ZNF81: variants seen among roughly 807,000 people sequenced by gnomAD.
ZNF81 encodes the protein zinc finger protein 81 (HFZ20).
In ZNF81, 5 loss-of-function variants were observed where a neutral mutation model predicts 32.3. The ratio of observed to expected loss-of-function variants is 0.15; its 90% CI spans 0.08 to 0.33. The LOEUF (loss-of-function observed/expected upper bound fraction) is 0.33. Among genes scored for constraint, ZNF81 ranks in the 10% least tolerant of loss-of-function variants. The probability of loss-of-function intolerance (pLI) is 1.00; values close to 1 mark genes in which losing one functional copy is unlikely to be tolerated. For missense variants in ZNF81, 379 were observed against 479.8 expected, an observed-to-expected ratio of 0.79 and a Z score of 1.96; for synonymous variants, 163 against 166.8, an observed-to-expected ratio of 0.98 and a Z score of 0.17.
At chrX:47,863,807 CAT>C (rs1294177474) in intron 2 of ZNF81, among the ~76,000 whole-genome samples, 2 of 111,943 alleles carry the variant, frequency 1.8e-5, no homozygotes, top group Non-Finnish European at 3.8e-5. Context: ...GAGGTAGTAT[CAT>C]ATCATTTATT....
At chrX:47,869,382 GA>G (rs1180583117) in intron 2 of ZNF81, among the ~76,000 whole-genome samples, 31 of 111,822 alleles carry the variant, frequency 2.8e-4, no homozygotes, top group Non-Finnish European at 7.5e-5. Flanking sequence ...GTGGGCACAG[GA>G]CATGGTCTGT....
In ZNF81 at chrX:47,867,218, A is replaced by T. The variant is rs189515050; in HGVS notation, c.55-20781A>T. On this transcript the variant is annotated intron_variant, in intron 2 of 4. Transcript: ENST00000338637. ...ATCATGGCACACATTTCCCTATGTA[A>T]CAAACCTGCACATCCTGCACAGGTA... is the stretch of plus-strand genomic sequence containing the variant. 1.9e-3 allele frequency among the ~76,000 whole-genome samples: 217 copies of T among 111,737 alleles called. 5 individuals are homozygous for T. The highest frequency in any genetic ancestry group is 0.018 in the Admixed American group (190 of 10,516).
rs868936577 is a variant in ZNF81, at chrX:47,850,895, A to G, written c.54+4574A>G. On this transcript the variant is annotated intron_variant, in intron 2 of 4. Transcript: ENST00000338637. ...CACTCATTCACAGGCACGCGCGCACACACACACACACACACACACACACAC... is the reference window on the plus strand; with the variant it reads ...CACTCATTCACAGGCACGCGCGCACGCACACACACACACACACACACACAC... Among the ~76,000 whole-genome samples the G allele has an allele frequency of 1.5e-3, 57 of 38,066 alleles. 2 individuals carry two copies. Among genetic ancestry groups the G allele is most frequent in the East Asian group, 4.8e-3 (4 of 828 alleles). 33.1% of individuals were successfully genotyped at this position (38,066 alleles called of 115,157 possible).
chrX:47,874,729 A>T (rs2058593040), intron 2 of ZNF81, among the ~76,000 whole-genome samples: 2 of 112,258 alleles, frequency 1.8e-5, no homozygotes, highest in African/African-American at 6.5e-5. Flanking sequence ...ATTGGTATAT[A>T]TCAGCCTAAC....
chrX:47,870,972 C>G (rs1195428520), intron 2 of ZNF81, among the ~76,000 whole-genome samples: 1 of 111,763 alleles, frequency 8.9e-6, no homozygotes, highest in Non-Finnish European at 1.9e-5. Flanking sequence ...GTACAGCCCC[C>G]CTTCCTTAAT....
At chrX:47,862,518 C>T (rs1328539823) in intron 2 of ZNF81, among the ~76,000 whole-genome samples, 1 of 75,407 alleles carries the variant, frequency 1.3e-5, no homozygotes, top group Admixed American at 1.4e-4. Context: ...TGAGAGACTC[C>T]GTCTCAAAAA....
chrX:47,899,364 T>C (rs1462365561), intron 4 of ZNF81, among the ~76,000 whole-genome samples: 1 of 110,316 alleles, frequency 9.1e-6, no homozygotes, highest in African/African-American at 3.3e-5. Context: ...AGAGATATTA[T>C]ATATATCAGC....
chrX:47,874,725 A>G (rs1556884323), intron 2 of ZNF81, among the ~76,000 whole-genome samples: 2 of 112,189 alleles, frequency 1.8e-5, no homozygotes, highest in African/African-American at 6.5e-5. Context: ...CCATATTGGT[A>G]TATATCAGCC....
At chrX:47,873,627 T>C (rs979631345) in intron 2 of ZNF81, among the ~76,000 whole-genome samples, 6 of 112,033 alleles carry the variant, frequency 5.4e-5, no homozygotes, top group Non-Finnish European at 9.4e-5. Context: ...TGGAAAATAG[T>C]TGTAACTGAA....
intron 2 of ZNF81, among the ~76,000 whole-genome samples, chrX:47,865,529 G>A (rs1569378620): frequency 8.9e-6 from 1 of 111,845 alleles, no homozygotes; most frequent in Non-Finnish European, 1.9e-5. Context: ...AGCTCAACAG[G>A]GTCATTTAGG....
At chrX:47,888,615 A>C (rs2148029613) in intron 3 of ZNF81, among the ~76,000 whole-genome samples, 1 of 110,966 alleles carries the variant, frequency 9.0e-6, no homozygotes, top group Non-Finnish European at 1.9e-5. Flanking sequence ...TGAGCCCCCT[A>C]GTTTGTGGTA....
At chrX:47,887,268 T>A (rs1556885890) in intron 2 of ZNF81, among the ~76,000 whole-genome samples, 3 of 112,040 alleles carry the variant, frequency 2.7e-5, no homozygotes, top group Non-Finnish European at 5.6e-5. Flanking sequence ...TCCTTCATAC[T>A]TTTTCTTGCT....
intron 2 of ZNF81, among the ~76,000 whole-genome samples, chrX:47,874,095 T>A (rs1483921813): frequency 1.8e-5 from 2 of 110,739 alleles, no homozygotes; most frequent in Non-Finnish European, 3.8e-5. Context: ...GACCAGAGAG[T>A]GGTTTTGATC....
chrX:47,860,736 T>C (rs2058536846), intron 2 of ZNF81: 1 of 111,378 alleles, frequency 9.0e-6, no homozygotes, highest in African/African-American at 3.3e-5. Context: ...TGTTGAAGTC[T>C]GCAAAAGATG....
In ZNF81 at chrX:47,915,807, A is replaced by G. The variant is rs1556890680; in HGVS notation, c.1161A>G (p.Glu387=). Residue 387 remains glutamate, a synonymous_variant, in exon 5 of 5, where the codon GAA becomes GAG. Transcript: ENST00000338637. ...QTTHTGEKLF[E]CSECGKGFSL... ...CTCATACTGGAGAAAAACTCTTTGA[A>G]TGCAGTGAATGTGGTAAAGGCTTCT... 1.7e-6 allele frequency: 2 copies of G among 1,209,885 alleles called. No individual in the cohort carries two copies. Among genetic ancestry groups the G allele is most frequent in the Non-Finnish European group, 2.2e-6 (2 of 895,193 alleles).
At chrX:47,875,371 A>G (rs962154781) in intron 2 of ZNF81, among the ~76,000 whole-genome samples, 2 of 112,374 alleles carry the variant, frequency 1.8e-5, no homozygotes, top group East Asian at 5.6e-4. Context: ...CTCAGGTCAC[A>G]CTATAAGACT....
chrX:47,861,545 A>C (rs1294612742), intron 2 of ZNF81, among the ~76,000 whole-genome samples: 2 of 111,623 alleles, frequency 1.8e-5, no homozygotes, highest in Admixed American at 9.5e-5. Context: ...AAATCTGTGC[A>C]ATTTGTCTCA....
chrX:47,862,059 C>T (rs2058542385), intron 2 of ZNF81, among the ~76,000 whole-genome samples: 1 of 111,427 alleles, frequency 9.0e-6, no homozygotes, highest in Admixed American at 9.5e-5. Context: ...CTAGGAAGTT[C>T]CTCCTAGCAA....
intron 2 of ZNF81, among the ~76,000 whole-genome samples, chrX:47,854,664 G>A (rs1338949292): frequency 2.7e-5 from 3 of 111,531 alleles, no homozygotes; most frequent in Non-Finnish European, 5.6e-5. Context: ...GACAGGGAAC[G>A]GGCCAGTAGG....
Sources: allele counts gnomAD v4.1 joint callset (sites outside exome capture counted in the v4.1 genomes callset), GRCh38; gene constraint gnomAD v4.1.1; transcripts MANE v1.5; gene names NCBI Gene and HGNC (gene_info 2026-07-23, HGNC 2026-07-21).